The following NKAIN2 variants were observed in gnomAD, a reference collection of about 807,000 sequenced individuals.
NKAIN2 encodes the protein sodium/potassium-transporting ATPase subunit beta-1-interacting protein 2.
NKAIN2 carries 14 observed loss-of-function variants against 32.6 expected under a neutral mutation model. The observed-to-expected ratio is 0.43, with a 90% confidence interval of 0.28 to 0.67. The LOEUF is 0.67. Among genes scored for constraint, NKAIN2 ranks in the 30% least tolerant of loss-of-function variants. The probability of loss-of-function intolerance (pLI) is 0.17; values close to 1 mark genes in which losing one functional copy is unlikely to be tolerated. For synonymous variants in NKAIN2, 80 were observed against 87.2 expected, an observed-to-expected ratio of 0.92 and a Z score of 0.46; for missense variants, 198 against 258.3, an observed-to-expected ratio of 0.77 and a Z score of 1.60.
At chr6:123,919,517 T>C (rs1411675419) in intron 1 of NKAIN2, among the ~76,000 whole-genome samples, 2 of 152,116 alleles carry the variant, frequency 1.3e-5, no homozygotes, top group Non-Finnish European at 2.9e-5. Context: ...AAATATAATA[T>C]TTTCACAAAC....
intron 2 of NKAIN2, among the ~76,000 whole-genome samples, chr6:124,301,402 G>T (rs904093352): frequency 6.6e-6 from 1 of 152,206 alleles, no homozygotes; most frequent in African/African-American, 2.4e-5. Context: ...CAGTGCAGAA[G>T]GGAAATGTGT....
At chr6:124,800,133 G>C (rs1320773199) in intron 5 of NKAIN2, among the ~76,000 whole-genome samples, 1 of 152,190 alleles carries the variant, frequency 6.6e-6, no homozygotes, top group Non-Finnish European at 1.5e-5. Context: ...ATGCTGAGAA[G>C]ATGACATTCA....
chr6:124,330,140 T>C (rs1438859244), intron 2 of NKAIN2, among the ~76,000 whole-genome samples: 2 of 152,202 alleles, frequency 1.3e-5, no homozygotes, highest in Non-Finnish European at 2.9e-5. Flanking sequence ...TCAGTGTGCA[T>C]ATTAAGAGTT....
chr6:124,265,555 G>A (rs1351997999), intron 1 of NKAIN2, among the ~76,000 whole-genome samples: 1 of 152,160 alleles, frequency 6.6e-6, no homozygotes, highest in African/African-American at 2.4e-5. Flanking sequence ...ACAGAAGGGA[G>A]TTTAGGCAAT....
chr6:124,820,655 C>A (rs1781356999), intron 6 of NKAIN2, among the ~76,000 whole-genome samples: 1 of 152,068 alleles, frequency 6.6e-6, no homozygotes, highest in African/African-American at 2.4e-5. Context: ...TAGTCCTGGC[C>A]CATGGTCTGT....
intron 1 of NKAIN2, among the ~76,000 whole-genome samples, chr6:124,002,777 A>T (rs1202250329): frequency 2.0e-5 from 3 of 152,162 alleles, no homozygotes; most frequent in Admixed American, 2.0e-4. Flanking sequence ...AGAGCTGACA[A>T]CCCTTGCAGT....
intron 3 of NKAIN2, among the ~76,000 whole-genome samples, chr6:124,651,812 G>A (rs1338485962): frequency 1.3e-5 from 2 of 152,140 alleles, no homozygotes; most frequent in Non-Finnish European, 2.9e-5. Flanking sequence ...TCACAGAAAT[G>A]CCTTCAGAAT....
chr6:124,737,909 T>C (rs1777031715), intron 4 of NKAIN2, among the ~76,000 whole-genome samples: 1 of 151,936 alleles, frequency 6.6e-6, no homozygotes, highest in African/African-American at 2.4e-5. Flanking sequence ...TTAGGGTATC[T>C]GGCAGAAGAA....
intron 1 of NKAIN2, among the ~76,000 whole-genome samples, chr6:124,076,094 G>C (rs1290221204): frequency 6.6e-6 from 1 of 152,174 alleles, no homozygotes; most frequent in Non-Finnish European, 1.5e-5. Flanking sequence ...CTCTCTGTAA[G>C]TCCCAGCATT....
intron 1 of NKAIN2, among the ~76,000 whole-genome samples, chr6:124,150,654 T>C (rs1039035724): frequency 2.0e-5 from 3 of 152,172 alleles, no homozygotes; most frequent in African/African-American, 7.2e-5. Context: ...GAAAATCTTT[T>C]CTGCATTTAT....
intron 1 of NKAIN2, among the ~76,000 whole-genome samples, chr6:124,022,979 A>G (rs947341412): frequency 2.0e-5 from 3 of 151,968 alleles, no homozygotes; most frequent in Admixed American, 1.3e-4. Context: ...GCATAGCCCA[A>G]GTCTCTCACA....
chr6:124,097,401 T>TA (rs35090835), intron 1 of NKAIN2, among the ~76,000 whole-genome samples: 1,652 of 132,438 alleles, frequency 0.012, 20 homozygotes, highest in African/African-American at 0.026. Context: ...GACTTCGTCT[T>TA]AAAAAAAAAA....
At chr6:124,131,765 T>C (rs1786490801) in intron 1 of NKAIN2, among the ~76,000 whole-genome samples, 4 of 152,134 alleles carry the variant, frequency 2.6e-5, no homozygotes, top group Admixed American at 6.5e-5. Flanking sequence ...TCCCTGACTA[T>C]GTCTCACAGG....
intron 3 of NKAIN2, among the ~76,000 whole-genome samples, chr6:124,426,765 C>T (rs1046446905): frequency 2.4e-4 from 37 of 152,122 alleles, no homozygotes; most frequent in African/African-American, 8.9e-4. Context: ...GGGAGCGACT[C>T]GGTGGGAGAT....
chr6:124,018,663 C>G (rs1780710754), intron 1 of NKAIN2, among the ~76,000 whole-genome samples: 1 of 152,178 alleles, frequency 6.6e-6, no homozygotes, highest in Non-Finnish European at 1.5e-5. Flanking sequence ...TTCCTCATCT[C>G]CATCTGAGGC....
intron 4 of NKAIN2, among the ~76,000 whole-genome samples, chr6:124,712,398 CG>C (rs1473268312): frequency 1.7e-5 from 2 of 115,992 alleles, no homozygotes; most frequent in South Asian, 2.7e-4. Context: ...TGGGCAATGG[CG>C]GGCGCCCCTC....
intron 2 of NKAIN2, among the ~76,000 whole-genome samples, chr6:124,321,128 C>T (rs757365783): frequency 6.6e-6 from 1 of 152,142 alleles, no homozygotes; most frequent in Non-Finnish European, 1.5e-5. Flanking sequence ...AGTATTTTCA[C>T]TGAAATAATC....
At chr6:124,022,701 G>A (rs1377252823) in intron 1 of NKAIN2, among the ~76,000 whole-genome samples, 1 of 152,152 alleles carries the variant, frequency 6.6e-6, no homozygotes, top group Admixed American at 6.6e-5. Flanking sequence ...CTCAAGATGA[G>A]TTATTTACAA....
chr6:124,274,470 C>T (rs1794936065), intron 1 of NKAIN2, among the ~76,000 whole-genome samples: 1 of 151,798 alleles, frequency 6.6e-6, no homozygotes, highest in African/African-American at 2.4e-5. Context: ...AAGCAGAAGC[C>T]CTAAAAATTG....
Sources: gnomAD v4.1 joint callset for allele counts (sites outside exome capture counted in the v4.1 genomes callset) on GRCh38, gnomAD v4.1.1 for gene constraint, MANE v1.5 for transcripts, NCBI Gene and HGNC (gene_info 2026-07-23, HGNC 2026-07-21) for gene names.